The following CFAP54 variants were observed in gnomAD, a reference collection of about 807,000 sequenced individuals.
CFAP54 encodes the protein cilia- and flagella-associated protein 54.
A neutral mutation model predicts 370.4 loss-of-function variants in CFAP54; 290 were observed. That is an observed-to-expected ratio of 0.78 (90% CI 0.71 to 0.86). The LOEUF (loss-of-function observed/expected upper bound fraction) is 0.86, where lower values mean the gene tolerates loss of function less well. Among genes scored for constraint, CFAP54 ranks in the 40% least tolerant of loss-of-function variants. The pLI, the probability that CFAP54 is intolerant of heterozygous loss-of-function variation, is 0.00. For synonymous variants in CFAP54, 1,206 were observed against 1,236.5 expected, an observed-to-expected ratio of 0.98 and a Z score of 0.52; for missense variants, 3,399 against 3,528.7, an observed-to-expected ratio of 0.96 and a Z score of 0.93.
At chr12:96,584,822 T>C (rs1956060935) in intron 22 of CFAP54, among the ~76,000 whole-genome samples, 1 of 152,210 alleles carries the variant, frequency 6.6e-6, no homozygotes, top group Non-Finnish European at 1.5e-5. Context: ...TGGTTCACCC[T>C]GTGCGTCTGC....
At chr12:96,807,110 A>G (rs541061186) in intron 63 of CFAP54, among the ~76,000 whole-genome samples, 1 of 152,264 alleles carries the variant, frequency 6.6e-6, no homozygotes, top group South Asian at 2.1e-4. Context: ...ACCTTCTCTG[A>G]CTTCTCTTGG....
chr12:96,734,916 C>G (rs2136632435), intron 50 of CFAP54, among the ~76,000 whole-genome samples: 1 of 152,136 alleles, frequency 6.6e-6, no homozygotes, highest in East Asian at 1.9e-4. Flanking sequence ...ACAAATAGTT[C>G]CTTTCATTTT....
intron 67 of CFAP54, among the ~76,000 whole-genome samples, chr12:96,874,693 G>T (rs1336295846): frequency 7.4e-6 from 1 of 135,624 alleles, no homozygotes; most frequent in African/African-American, 2.8e-5. Flanking sequence ...GCAGTGGCGC[G>T]ATCTCGGCTC....
Position 96,832,465 on chromosome 12 carries a change from G to C in CFAP54, c.9171+3377G>C, listed in dbSNP as rs533739129. 4.2e-4 allele frequency among the ~76,000 whole-genome samples: 64 copies of C among 151,968 alleles called. 1 individual carries two copies. Among genetic ancestry groups the C allele is most frequent in the Non-Finnish European group, 1.2e-4 (8 of 67,962 alleles). On this transcript the variant is annotated intron_variant, in intron 66 of 67. Transcript: ENST00000524981. ...CCTCAGTTTTCTCATATGTAAAAAAGTACAAATTCCAACCTCTCACAGTTG... is the reference window on the plus strand; with the variant it reads ...CCTCAGTTTTCTCATATGTAAAAAACTACAAATTCCAACCTCTCACAGTTG...
intron 47 of CFAP54, among the ~76,000 whole-genome samples, chr12:96,705,421 G>GTT (rs550549170): frequency 1.4e-5 from 2 of 145,802 alleles, no homozygotes; most frequent in African/African-American, 5.0e-5. Flanking sequence ...ATGATTCATT[G>GTT]TTTTTTTTTT....
At chr12:96,806,284 A>C (rs1341506864) in intron 63 of CFAP54, among the ~76,000 whole-genome samples, 2 of 146,552 alleles carry the variant, frequency 1.4e-5, no homozygotes, top group Non-Finnish European at 3.0e-5. Flanking sequence ...TGGACAGTCC[A>C]AGGCAAAGTA....
chr12:96,812,214 A>G (rs1958935064), intron 64 of CFAP54, among the ~76,000 whole-genome samples: 1 of 152,182 alleles, frequency 6.6e-6, no homozygotes, highest in South Asian at 2.1e-4. Flanking sequence ...TGTCTGTACT[A>G]TATTTTGCCT....
At chr12:96,594,138 G>C (rs779450147) in intron 24 of CFAP54, among the ~76,000 whole-genome samples, 153 bp from the exon 25 acceptor site, 1 of 152,110 alleles carries the variant, frequency 6.6e-6, no homozygotes, top group Non-Finnish European at 1.5e-5. Flanking sequence ...CATTATTGGA[G>C]AGTTAGAGTT....
intron 26 of CFAP54, among the ~76,000 whole-genome samples, chr12:96,614,160 C>T (rs1006841439): frequency 3.5e-4 from 54 of 152,312 alleles, no homozygotes; most frequent in African/African-American, 1.2e-3. Flanking sequence ...AAAAGCTTAT[C>T]CACCATGATC....
chr12:96,765,303 T>G, intron 60 of CFAP54, 85 bp downstream of exon 60: 2 of 1,269,570 alleles, frequency 1.6e-6, no homozygotes, highest in Non-Finnish European at 2.1e-6. Flanking sequence ...TGTAATTTGT[T>G]GGCTTTTAGC....
At position 96,765,182 on chromosome 12, in the gene CFAP54, C is replaced by G; in HGVS notation, c.8245C>G (p.Leu2749Val). The G allele has an allele frequency of 6.5e-6, 10 of 1,539,110 alleles. No individual in the cohort carries two copies. The highest frequency in any genetic ancestry group is 8.9e-6 in the Non-Finnish European group (10 of 1,129,542). The change falls in exon 60 of 68, where the codon CTG becomes GTG. Residue 2749 changes from leucine (L) to valine (V), a missense_variant. This residue lies in a region of CFAP54 where 2,796 missense variants were observed against 2,869.7 expected (regional missense o/e 0.97). Transcript: ENST00000524981. ...ALPNIPEFAA[L>V]DLLSSYTDYL... ...ACCAAATATCCCAGAATTTGCTGCT[C>G]TGGATCTTTTGTCTTCGTATACAGA...
chr12:96,725,305 T>C (rs1957818460), intron 50 of CFAP54, among the ~76,000 whole-genome samples: 1 of 151,868 alleles, frequency 6.6e-6, no homozygotes, highest in East Asian at 1.9e-4. Flanking sequence ...TTCCTACCCA[T>C]GAGCATGGAA....
chr12:96,532,652 A>G (rs754894578), intron 9 of CFAP54, among the ~76,000 whole-genome samples: 1 of 151,374 alleles, frequency 6.6e-6, no homozygotes, highest in South Asian at 2.1e-4. Flanking sequence ...ACAGGATCTC[A>G]CTCTGTCACC....
intron 28 of CFAP54, 100 bp from the exon 29 acceptor site, chr12:96,625,618 T>C (rs1956541889): frequency 3.2e-6 from 2 of 631,828 alleles, no homozygotes; most frequent in East Asian, 5.9e-5. Flanking sequence ...TTTTCCTGTT[T>C]TGTCATCTCT....
chr12:96,504,870 T>A (rs1327577904), intron 3 of CFAP54, among the ~76,000 whole-genome samples: 1 of 152,210 alleles, frequency 6.6e-6, no homozygotes, highest in African/African-American at 2.4e-5. Flanking sequence ...CTCCCCTTTT[T>A]GTAGCCTTGA....
intron 65 of CFAP54, among the ~76,000 whole-genome samples, chr12:96,820,936 A>G (rs921874598): frequency 2.6e-5 from 4 of 152,134 alleles, no homozygotes; most frequent in African/African-American, 4.8e-5. Context: ...ATTCACTACT[A>G]TCTGGTTCAT....
intron 60 of CFAP54, among the ~76,000 whole-genome samples, chr12:96,782,739 A>G (rs1490236486): frequency 6.6e-6 from 1 of 152,166 alleles, no homozygotes; most frequent in South Asian, 2.1e-4. Context: ...TGATGCCAAA[A>G]TTTATATGAA....
chr12:96,628,223 A>C (rs1287750747), intron 30 of CFAP54, among the ~76,000 whole-genome samples: 1 of 152,262 alleles, frequency 6.6e-6, no homozygotes, highest in Admixed American at 6.5e-5. Context: ...CTGTATAAAT[A>C]GTTAAAACAA....
chr12:96,767,044 A>G (rs1317220081), intron 60 of CFAP54, among the ~76,000 whole-genome samples: 2 of 152,236 alleles, frequency 1.3e-5, no homozygotes, highest in Admixed American at 6.5e-5. Context: ...AAGAGCCACA[A>G]ACCAAATCAC....
Sources: gnomAD v4.1 joint callset for allele counts (sites outside exome capture counted in the v4.1 genomes callset) on GRCh38, gnomAD v4.1.1 for gene constraint, gnomAD v4.1.1 regional missense constraint, MANE v1.5 for transcripts, NCBI Gene and HGNC (gene_info 2026-07-23, HGNC 2026-07-21) for gene names.